FA2H: variants seen among roughly 807,000 people sequenced by gnomAD.
FA2H encodes fatty acid alpha-hydroxylase.
A neutral mutation model predicts 44.9 loss-of-function variants in FA2H; 22 were observed. The ratio of observed to expected loss-of-function variants is 0.49; its 90% CI spans 0.35 to 0.70. The LOEUF (loss-of-function observed/expected upper bound fraction) is 0.70, where lower values mean the gene tolerates loss of function less well. Ranked by LOEUF, FA2H falls within the 30% of genes least tolerant of loss-of-function variation. The pLI is 0.01. For synonymous variants in FA2H, 243 were observed against 213.2 expected (o/e 1.14, Z -1.22); for missense variants, 501 against 504.9 (o/e 0.99, Z 0.07).
At chr16:74,748,835 G>A (rs945345212) in intron 1 of FA2H, among the ~76,000 whole-genome samples, 62 of 152,228 alleles carry the variant, frequency 4.1e-4, no homozygotes, top group African/African-American at 1.5e-3. Context: ...GCTGGGCACC[G>A]CGGGACGGAC....
At chr16:74,734,179 A>G (rs925007734) in intron 2 of FA2H, among the ~76,000 whole-genome samples, 7 of 152,182 alleles carry the variant, frequency 4.6e-5, no homozygotes, top group African/African-American at 1.4e-4. Flanking sequence ...GTGGGGGAGA[A>G]GGGGAGATCA....
At chr16:74,745,636 C>T (rs932874249) in intron 1 of FA2H, among the ~76,000 whole-genome samples, 28 of 152,122 alleles carry the variant, frequency 1.8e-4, no homozygotes, top group Non-Finnish European at 5.9e-5. Flanking sequence ...CTCCTTAGAG[C>T]CTTCCAGCCA....
intron 2 of FA2H, among the ~76,000 whole-genome samples, chr16:74,729,505 C>T (rs1962032592): frequency 6.6e-6 from 1 of 152,224 alleles, no homozygotes; most frequent in South Asian, 2.1e-4. Context: ...TACATTAACA[C>T]ATGCAAATAC....
At position 74,750,790 on chromosome 16, in the gene FA2H, T is replaced by C. The variant is rs112360154; in HGVS notation, c.271-10675A>G. On this transcript the variant is annotated intron_variant, in intron 1 of 6. Transcript: ENST00000219368. ...GTGTGTGTGTGTGTGTGTGTGTGTG[T>C]TTAAGAGACAGGGTCTCGCTCTGTC... Among the ~76,000 whole-genome samples the C allele has an allele frequency of 2.0e-3, 298 of 151,486 alleles. 2 individuals carry two copies. Among genetic ancestry groups the C allele is most frequent in the African/African-American group, 7.0e-3 (290 of 41,202 alleles).
intron 2 of FA2H, among the ~76,000 whole-genome samples, chr16:74,734,448 C>T (rs1340728844): frequency 6.6e-6 from 1 of 152,242 alleles, no homozygotes; most frequent in Non-Finnish European, 1.5e-5. Context: ...GCCCAGGAAG[C>T]AGATGCAAGG....
intron 1 of FA2H, among the ~76,000 whole-genome samples, chr16:74,745,688 T>C (rs1962407514): frequency 1.3e-5 from 2 of 151,856 alleles, no homozygotes; most frequent in African/African-American, 4.8e-5. Flanking sequence ...GAGACAGAAG[T>C]ACCAACCCTC....
At position 74,713,251 on chromosome 16, in the gene FA2H, CT is replaced by C. The variant is rs1308875823; in HGVS notation, c.*938del. ...AGGGCCGTCTGACCAGCTCCTTGGT[CT>C]GGGACCAGACTAAGAACATGTATCT... On this transcript the variant is annotated 3_prime_UTR_variant, in exon 7 of 7. Coordinates refer to ENST00000219368, the MANE Select transcript of FA2H (RefSeq NM_024306.5). 1 of 152,656 alleles carries C rather than the reference CT, an allele frequency of 6.6e-6. No homozygotes were observed. The highest frequency in any genetic ancestry group is 1.5e-5 in the Non-Finnish European group (1 of 68,052). The allele number at this position is 152,656 out of a possible 1,614,324, so 9.5% of individuals were successfully genotyped here. A position where few individuals can be genotyped will look rare whatever the true frequency, so the allele number is the denominator to read the frequency against.
intron 1 of FA2H, among the ~76,000 whole-genome samples, chr16:74,744,863 G>A (rs1962386121): frequency 6.6e-6 from 1 of 152,166 alleles, no homozygotes; most frequent in African/African-American, 2.4e-5. Flanking sequence ...TGGGATTACA[G>A]GTGTGAACCA....
chr16:74,721,649 G>A (rs1961842313), intron 4 of FA2H, among the ~76,000 whole-genome samples: 1 of 152,178 alleles, frequency 6.6e-6, no homozygotes, highest in African/African-American at 2.4e-5. Context: ...CCTGATGGAT[G>A]ATCCCTGTGC....
intron 2 of FA2H, among the ~76,000 whole-genome samples, chr16:74,729,303 C>T (rs1462757464): frequency 6.6e-6 from 1 of 152,136 alleles, no homozygotes; most frequent in African/African-American, 2.4e-5. Flanking sequence ...GCCACCACAC[C>T]CGGCCTCTTA....
chr16:74,774,650 G>A lies in FA2H; in HGVS notation c.106C>T (p.Leu36Phe). The change falls in exon 1 of 7, where the codon CTC becomes TTC. Residue 36 changes from leucine (L) to phenylalanine (F), a missense_variant. Coordinates refer to ENST00000219368, the MANE Select transcript of FA2H (RefSeq NM_024306.5). ...WVRRGARLYDLSSFVRHHPGG... is the reference protein window; with the variant it reads ...WVRRGARLYDFSSFVRHHPGG... ...GGGTGGTGCCGCACGAAGCTGGAGAGGTCGTAGAGGCGGGCCCCGCGGCGG... is the reference window on the plus strand; with the variant it reads ...GGGTGGTGCCGCACGAAGCTGGAGAAGTCGTAGAGGCGGGCCCCGCGGCGG... The A allele has an allele frequency of 6.8e-7, 1 of 1,460,972 alleles. No homozygotes were observed. The highest frequency in any genetic ancestry group is 9.0e-7 in the Non-Finnish European group (1 of 1,110,864). 90.5% of individuals were successfully genotyped at this position (1,460,972 alleles called of 1,614,324 possible).
chr16:74,716,243 C>G (rs1961692802), intron 6 of FA2H, 104 bp downstream of exon 6: 2 of 1,344,852 alleles, frequency 1.5e-6, no homozygotes, highest in South Asian at 2.6e-5. Flanking sequence ...TGTATATGCC[C>G]CGTACATGGA....
At chr16:74,722,729 A>G (rs911470762) in intron 4 of FA2H, among the ~76,000 whole-genome samples, 3 of 152,022 alleles carry the variant, frequency 2.0e-5, no homozygotes, top group African/African-American at 7.2e-5. Flanking sequence ...CCTGACCAAC[A>G]TGGAGAAACT....
intron 1 of FA2H, among the ~76,000 whole-genome samples, chr16:74,773,885 C>T (rs1303525788): frequency 6.6e-6 from 1 of 152,162 alleles, no homozygotes; most frequent in Admixed American, 6.5e-5. Context: ...GAGTCCCAAG[C>T]CAGCGTGTAG....
At chr16:74,771,601 C>G (rs1312957402) in intron 1 of FA2H, among the ~76,000 whole-genome samples, 1 of 152,008 alleles carries the variant, frequency 6.6e-6, no homozygotes, top group Non-Finnish European at 1.5e-5. Context: ...CTCCCAAATT[C>G]CTGGGATTAC....
chr16:74,758,792 G>A (rs1962658851), intron 1 of FA2H, among the ~76,000 whole-genome samples: 1 of 152,132 alleles, frequency 6.6e-6, no homozygotes, highest in South Asian at 2.1e-4. Flanking sequence ...TTAAAAAAAT[G>A]CAAGTGTCTA....
At chr16:74,732,019 C>T (rs886626375) in intron 2 of FA2H, among the ~76,000 whole-genome samples, 2 of 152,222 alleles carry the variant, frequency 1.3e-5, no homozygotes, top group South Asian at 2.1e-4. Context: ...ACTATAGGCT[C>T]ACGCCACCAT....
intron 4 of FA2H, among the ~76,000 whole-genome samples, chr16:74,724,255 G>A (rs533537633): frequency 5.6e-4 from 85 of 152,240 alleles, no homozygotes; most frequent in African/African-American, 1.8e-3. Flanking sequence ...ACTCTCCGGC[G>A]CAGACTAAGG....
intron 1 of FA2H, among the ~76,000 whole-genome samples, chr16:74,757,382 G>A (rs898733028): frequency 2.6e-5 from 4 of 152,164 alleles, no homozygotes; most frequent in South Asian, 2.1e-4. Flanking sequence ...ATTCTCACAC[G>A]TTTTTGGAGG....
Sources: gnomAD v4.1 joint callset for allele counts (sites outside exome capture counted in the v4.1 genomes callset) on GRCh38, gnomAD v4.1.1 for gene constraint, MANE v1.5 for transcripts, NCBI Gene and HGNC (gene_info 2026-07-23, HGNC 2026-07-21) for gene names.